TAOK1: variants seen among roughly 807,000 people sequenced by gnomAD.
TAOK1 encodes the protein serine/threonine-protein kinase TAO1.
In TAOK1, 21 loss-of-function variants were observed where a neutral mutation model predicts 138.3. The ratio of observed to expected loss-of-function variants is 0.15; its 90% CI spans 0.11 to 0.22. The LOEUF is 0.22. Ranked by LOEUF, TAOK1 falls within the 10% of genes least tolerant of loss-of-function variation. The probability of loss-of-function intolerance (pLI) is 1.00; values close to 1 mark genes in which losing one functional copy is unlikely to be tolerated. For missense variants in TAOK1, 651 were observed against 1,227.7 expected (o/e 0.53, Z 7.02); for synonymous variants, 361 against 398.4 (o/e 0.91, Z 1.12).
At chr17:29,446,733 T>C (rs1451459446) in intron 1 of TAOK1, among the ~76,000 whole-genome samples, 1 of 135,394 alleles carries the variant, frequency 7.4e-6, no homozygotes, top group Admixed American at 7.9e-5. Flanking sequence ...GTATTTTTAC[T>C]GTACTTTTTT....
At chr17:29,518,873 TCTC>T (rs1460910225) in intron 16 of TAOK1, among the ~76,000 whole-genome samples, 3 of 152,012 alleles carry the variant, frequency 2.0e-5, no homozygotes, top group Non-Finnish European at 4.4e-5. Flanking sequence ...TTCAAGCAAT[TCTC>T]CTGCCTCAGC....
In TAOK1 at chr17:29,534,184, G is replaced by A; in HGVS notation, c.2428G>A (p.Glu810Lys). The A allele has an allele frequency of 1.2e-6, 2 of 1,613,638 alleles. No homozygotes were observed. The highest frequency in any genetic ancestry group is 1.7e-6 in the Non-Finnish European group (2 of 1,179,824). ...VLKMQLQQEL[E>K]LLNAYQSKIK... ...GAAGATGCAGCTGCAGCAGGAACTG[G>A]AGCTGTTGAATGCGTATCAGAGCAA... is the stretch of plus-strand genomic sequence containing the variant. The change falls in exon 19 of 20, where the codon GAG (glutamate) becomes AAG (lysine). Residue 810 changes from glutamate to lysine, a missense_variant. Physicochemically the swap from Glu to Lys is moderately conservative, Grantham distance 56. This residue lies in a region of TAOK1 where 258 missense variants were observed against 548.9 expected (regional missense o/e 0.47). Coordinates refer to ENST00000261716, the MANE Select transcript of TAOK1 (RefSeq NM_020791.4).
chr17:29,429,600 A>G (rs954705636), intron 1 of TAOK1, among the ~76,000 whole-genome samples: 2 of 152,158 alleles, frequency 1.3e-5, no homozygotes, highest in African/African-American at 4.8e-5. Context: ...AACATTTTAA[A>G]TAACCATGGT....
chr17:29,502,959 A>G (rs1005617617), intron 13 of TAOK1, among the ~76,000 whole-genome samples: 1 of 152,236 alleles, frequency 6.6e-6, no homozygotes, highest in African/African-American at 2.4e-5. Flanking sequence ...TATCTTAAAT[A>G]AGATAACTAC....
At chr17:29,486,813 T>C (rs557351144) in intron 8 of TAOK1, among the ~76,000 whole-genome samples, 27 of 152,262 alleles carry the variant, frequency 1.8e-4, no homozygotes, top group Middle Eastern at 3.4e-3. Flanking sequence ...CGGTATACCA[T>C]TTAAAAGGCT....
intron 1 of TAOK1, among the ~76,000 whole-genome samples, chr17:29,407,537 C>T (rs1376849691): frequency 2.0e-5 from 3 of 151,674 alleles, no homozygotes; most frequent in African/African-American, 7.3e-5. Context: ...CCTTGACCTC[C>T]CCAAGTTCAG....
intron 14 of TAOK1, among the ~76,000 whole-genome samples, chr17:29,509,514 A>G (rs2031681020): frequency 6.6e-6 from 1 of 151,402 alleles, no homozygotes; most frequent in Non-Finnish European, 1.5e-5. Flanking sequence ...TATTATTTTT[A>G]ATAGCTTGGG....
At chr17:29,481,730 C>T (rs899206675) in intron 7 of TAOK1, among the ~76,000 whole-genome samples, 2 of 151,882 alleles carry the variant, frequency 1.3e-5, no homozygotes, top group African/African-American at 4.8e-5. Flanking sequence ...GAGGCCAAGG[C>T]GGGCGGATCA....
At chr17:29,516,151 G>A (rs1006412427) in intron 15 of TAOK1, among the ~76,000 whole-genome samples, 1 of 151,598 alleles carries the variant, frequency 6.6e-6, no homozygotes, top group African/African-American at 2.4e-5. Context: ...AGTAGAGATA[G>A]GGTTTCTCTA....
chr17:29,457,354 C>T (rs1331916915), intron 2 of TAOK1, among the ~76,000 whole-genome samples: 30 of 147,244 alleles, frequency 2.0e-4, no homozygotes, highest in South Asian at 6.4e-4. Flanking sequence ...CCGCCCGCCT[C>T]GGCCTCCCAC....
At chr17:29,482,349 G>A in intron 8 of TAOK1, 61 bp downstream of exon 8, 1 of 1,259,904 alleles carries the variant, frequency 7.9e-7, no homozygotes, top group Non-Finnish European at 1.1e-6. Flanking sequence ...CTCAATTTCT[G>A]TACCAATCTA....
chr17:29,449,586 A>G (rs2030181755), intron 1 of TAOK1, among the ~76,000 whole-genome samples: 1 of 152,172 alleles, frequency 6.6e-6, no homozygotes, highest in Non-Finnish European at 1.5e-5. Context: ...TATGCCTGTA[A>G]TCCCAGCACT....
intron 1 of TAOK1, among the ~76,000 whole-genome samples, chr17:29,398,970 A>G (rs182252047): frequency 2.0e-5 from 3 of 151,670 alleles, no homozygotes; most frequent in Admixed American, 2.0e-4. Context: ...AATGTTTATG[A>G]GTACATTGAG....
chr17:29,394,591 CTG>C (rs1904534365), intron 1 of TAOK1, among the ~76,000 whole-genome samples: 1 of 152,148 alleles, frequency 6.6e-6, no homozygotes, highest in Non-Finnish European at 1.5e-5. Flanking sequence ...GAAATAAAGT[CTG>C]TGTTTTGCAT....
intron 11 of TAOK1, among the ~76,000 whole-genome samples, chr17:29,496,817 C>T (rs1485484914): frequency 1.3e-5 from 2 of 151,882 alleles, no homozygotes; most frequent in East Asian, 3.9e-4. Flanking sequence ...ATCTCCTGGC[C>T]TCAAGTGATT....
At position 29,547,965 on chromosome 17, in the gene TAOK1, A is replaced by G. The variant is rs1009782651; in HGVS notation, c.*4943A>G. On this transcript the variant is annotated 3_prime_UTR_variant, in exon 20 of 20. Transcript: ENST00000261716. ...TCTGCACTTTTATGAAATCACTACA[A>G]TAGGTCTGCATTGGAAATGACTATT... 6.6e-6 allele frequency: 1 copy of G among 152,146 alleles called. No individual in the cohort carries two copies. Among genetic ancestry groups the G allele is most frequent in the Non-Finnish European group, 1.5e-5 (1 of 67,992 alleles). The allele number at this position is 152,146 out of a possible 1,614,324, so 9.4% of individuals were successfully genotyped here. A position where few individuals can be genotyped will look rare whatever the true frequency, so the allele number is the denominator to read the frequency against.
chr17:29,530,376 C>A (rs376596534), intron 17 of TAOK1, 31 bp from the exon 18 acceptor site: 2 of 1,594,146 alleles, frequency 1.3e-6, no homozygotes, highest in Admixed American at 3.4e-5. Context: ...TTCGTTACAA[C>A]TTACATAAAT....
At chr17:29,507,783 C>T (rs2031652949) in intron 13 of TAOK1, 113 bp from the exon 14 acceptor site, 2 of 951,102 alleles carry the variant, frequency 2.1e-6, no homozygotes, top group Non-Finnish European at 3.1e-6. Context: ...AATCTGCTAA[C>T]ATTGGGATAT....
Position 29,542,931 on chromosome 17 carries a change from C to T in TAOK1, c.2915C>T (p.Thr972Ile). The change falls in exon 20 of 20, where the codon ACA (threonine) becomes ATA (isoleucine). Residue 972 changes from threonine to isoleucine, a missense_variant. Transcript: ENST00000261716. ...VRNSPQALRRTASGGRTEQGM... is the reference protein window; with the variant it reads ...VRNSPQALRRIASGGRTEQGM... ...AATAGCCCCCAGGCTCTGAGGCGGACAGCTTCTGGGGGACGGACGGAGCAG... is the reference window on the plus strand; with the variant it reads ...AATAGCCCCCAGGCTCTGAGGCGGATAGCTTCTGGGGGACGGACGGAGCAG... The T allele has an allele frequency of 6.2e-7, 1 of 1,613,722 alleles. No homozygotes were observed. The highest frequency in any genetic ancestry group is 8.5e-7 in the Non-Finnish European group (1 of 1,179,944).
Sources: gnomAD v4.1 joint callset for allele counts (sites outside exome capture counted in the v4.1 genomes callset) on GRCh38, gnomAD v4.1.1 for gene constraint, gnomAD v4.1.1 regional missense constraint, MANE v1.5 for transcripts, NCBI Gene and HGNC (gene_info 2026-07-23, HGNC 2026-07-21) for gene names.